Variants in WLS observed in about 807,000 individuals in gnomAD.
WLS encodes Wnt ligand secretion mediator.
A neutral mutation model predicts 62.8 loss-of-function variants in WLS; 23 were observed. The observed-to-expected ratio is 0.37, with a 90% CI of 0.26 to 0.52. The LOEUF is 0.52. WLS is among the 20% of genes least tolerant of loss of function. The probability of loss-of-function intolerance (pLI) is 0.92; values close to 1 mark genes in which losing one functional copy is unlikely to be tolerated. For synonymous variants in WLS, 246 were observed against 244.1 expected (o/e 1.01, Z -0.07); for missense variants, 615 against 697.3 (o/e 0.88, Z 1.33).
At chr1:68,192,012 C>T (rs904134161) in intron 2 of WLS, among the ~76,000 whole-genome samples, 14 of 152,166 alleles carry the variant, frequency 9.2e-5, no homozygotes, top group African/African-American at 3.1e-4. Context: ...GGTCACAGCA[C>T]CCAGCATACC....
chr1:68,231,809 C>A (rs1042206138), intron 1 of WLS: 1 of 478,008 alleles, frequency 2.1e-6, no homozygotes, highest in Non-Finnish European at 3.9e-6. Context: ...CCTCCCGGAG[C>A]TGATTGGAAG....
At chr1:68,115,754 A>G (rs1646283742) in intron 11 of WLS, among the ~76,000 whole-genome samples, 1 of 141,032 alleles carries the variant, frequency 7.1e-6, no homozygotes, top group African/African-American at 2.4e-5. Flanking sequence ...TTCAAATGAG[A>G]CTTTAAAATA....
chr1:68,159,216 G>A lies in WLS; in HGVS notation c.411C>T (p.Ser137=). The A allele has an allele frequency of 5.6e-6, 9 of 1,614,030 alleles. No individual in the cohort carries two copies. Among genetic ancestry groups the A allele is most frequent in the Non-Finnish European group, 6.8e-6 (8 of 1,179,980 alleles). The change falls in exon 3 of 12, where the codon TCC becomes TCT. Residue 137 remains serine, a synonymous_variant. Coordinates refer to ENST00000262348, the MANE Select transcript of WLS (RefSeq NM_024911.7). ...RENAEVSMDV[S]LAYRDDAFAE... ...CAAACGCGTCATCACGGTAAGCCAGGGAAACGTCCATGGAGACTTCTGCAT... is the reference window on the plus strand; with the variant it reads ...CAAACGCGTCATCACGGTAAGCCAGAGAAACGTCCATGGAGACTTCTGCAT...
intron 1 of WLS, among the ~76,000 whole-genome samples, chr1:68,222,568 TCTGAAG>T (rs1231769703): frequency 6.6e-6 from 1 of 152,120 alleles, no homozygotes; most frequent in Non-Finnish European, 1.5e-5. Context: ...ACACTGAAAC[TCTGAAG>T]GACATATATC....
At chr1:68,179,215 C>G (rs777094136) in intron 2 of WLS, among the ~76,000 whole-genome samples, 20 of 152,200 alleles carry the variant, frequency 1.3e-4, no homozygotes, top group Non-Finnish European at 2.1e-4. Flanking sequence ...CATCTATTTA[C>G]AAAACCAAAG....
At chr1:68,107,410 C>T (rs1018615414) in intron 11 of WLS, among the ~76,000 whole-genome samples, 38 of 152,030 alleles carry the variant, frequency 2.5e-4, no homozygotes, top group African/African-American at 8.0e-4. Flanking sequence ...GATAGAGTGA[C>T]AAGAGTTTAG....
At chr1:68,160,660 A>C (rs1646960196) in intron 2 of WLS, among the ~76,000 whole-genome samples, 4 of 152,216 alleles carry the variant, frequency 2.6e-5, no homozygotes, top group Non-Finnish European at 5.9e-5. Flanking sequence ...ATACAGTAAC[A>C]GTAACTCACA....
chr1:68,153,479 C>A (rs1208649884), intron 5 of WLS, 38 bp downstream of exon 5: 1 of 1,612,402 alleles, frequency 6.2e-7, no homozygotes, highest in Non-Finnish European at 8.5e-7. Flanking sequence ...TCATGAGAAG[C>A]CAGTATTCCT....
At chr1:68,104,294 T>C (rs977752417) in intron 11 of WLS, among the ~76,000 whole-genome samples, 10 of 152,284 alleles carry the variant, frequency 6.6e-5, no homozygotes, top group South Asian at 2.1e-4. Flanking sequence ...ATCACTACCA[T>C]TATCGGTGGA....
intron 2 of WLS, among the ~76,000 whole-genome samples, chr1:68,166,377 C>G (rs929994762): frequency 6.6e-6 from 1 of 152,214 alleles, no homozygotes; most frequent in Non-Finnish European, 1.5e-5. Flanking sequence ...AGCAACAGCT[C>G]TCCTTCATCA....
At chr1:68,161,384 A>AT (rs1002703969) in intron 2 of WLS, among the ~76,000 whole-genome samples, 7 of 152,286 alleles carry the variant, frequency 4.6e-5, no homozygotes, top group African/African-American at 1.4e-4. Context: ...TCCTCTTAAT[A>AT]TTTTTTATTT....
chr1:68,224,925 T>C (rs1650081910), intron 1 of WLS, among the ~76,000 whole-genome samples: 1 of 152,244 alleles, frequency 6.6e-6, no homozygotes, highest in African/African-American at 2.4e-5. Context: ...AATCAAGGAC[T>C]GTGGGCTTGA....
rs148945637 is a variant in WLS, at chr1:68,104,310, C to T, written c.1511-5557G>A. 1.9e-4 allele frequency among the ~76,000 whole-genome samples: 29 copies of T among 152,210 alleles called. No homozygotes were observed. The East Asian group carries it at 5.4e-3, about 28-fold the overall frequency. ...TCACTACCATTATCGGTGGAGATGACTCAGTATTCTAGACTTAGCTAGTTA... is the reference window on the plus strand; with the variant it reads ...TCACTACCATTATCGGTGGAGATGATTCAGTATTCTAGACTTAGCTAGTTA... On this transcript the variant is annotated intron_variant, in intron 11 of 11. Transcript: ENST00000354777.
intron 1 of WLS, among the ~76,000 whole-genome samples, chr1:68,226,282 T>C (rs532461758): frequency 2.6e-5 from 4 of 152,332 alleles, no homozygotes; most frequent in Admixed American, 2.0e-4. Context: ...TCCGATTGAC[T>C]GGAGTTCAAT....
chr1:68,168,646 T>C (rs1647098805), intron 2 of WLS, among the ~76,000 whole-genome samples: 1 of 152,196 alleles, frequency 6.6e-6, no homozygotes, highest in Non-Finnish European at 1.5e-5. Context: ...CCTGGGCCTT[T>C]GCCCTGGGAA....
chr1:68,126,362 G>A, intron 11 of WLS, 27 bp from the exon 12 acceptor site: 18 of 1,613,444 alleles, frequency 1.1e-5, no homozygotes, highest in Non-Finnish European at 1.5e-5. Flanking sequence ...GGTGTTAGAT[G>A]CATTCAAGGA....
At chr1:68,161,845 T>C (rs1419516708) in intron 2 of WLS, 1 of 1,606,052 alleles carries the variant, frequency 6.2e-7, no homozygotes, top group Admixed American at 1.7e-5. Flanking sequence ...TGTTGGGAGG[T>C]TGTGAGTCAC....
At chr1:68,180,866 C>T (rs1647527163) in intron 2 of WLS, among the ~76,000 whole-genome samples, 1 of 152,150 alleles carries the variant, frequency 6.6e-6, no homozygotes, top group Non-Finnish European at 1.5e-5. Flanking sequence ...ACAACCTGGA[C>T]CAGAACAAAG....
intron 3 of WLS, among the ~76,000 whole-genome samples, chr1:68,157,011 T>C (rs1646908978): frequency 6.6e-6 from 1 of 152,212 alleles, no homozygotes; most frequent in Non-Finnish European, 1.5e-5. Flanking sequence ...CTTAGTCTAA[T>C]TCCATCTGGT....
Sources: allele counts gnomAD v4.1 joint callset (sites outside exome capture counted in the v4.1 genomes callset), GRCh38; gene constraint gnomAD v4.1.1; transcripts MANE v1.5; gene names NCBI Gene and HGNC (gene_info 2026-07-23, HGNC 2026-07-21).